The following CADM2 variants were observed in gnomAD, a reference collection of about 807,000 sequenced individuals.
CADM2 encodes the protein immunoglobulin superfamily member 4D.
CADM2 carries 12 observed loss-of-function variants against 49.8 expected under a neutral mutation model. The observed-to-expected ratio is 0.24, with a 90% CI of 0.15 to 0.39. The LOEUF (loss-of-function observed/expected upper bound fraction) is 0.39, where lower values mean the gene tolerates loss of function less well. CADM2 is among the 10% of genes least tolerant of loss of function. CADM2 has a pLI of 1.00. For missense variants in CADM2, 378 were observed against 492.3 expected, an observed-to-expected ratio of 0.77 and a Z score of 2.20; for synonymous variants, 214 against 175.4, an observed-to-expected ratio of 1.22 and a Z score of -1.74.
At chr3:86,014,659 T>C in intron 8 of CADM2, 3 of 1,567,274 alleles carry the variant, frequency 1.9e-6, no homozygotes, top group East Asian at 2.3e-5. Flanking sequence ...TTATCTCTGG[T>C]ACCCTCAGTC....
chr3:85,873,061 A>G (rs1426011670), intron 3 of CADM2, among the ~76,000 whole-genome samples: 3 of 152,292 alleles, frequency 2.0e-5, no homozygotes, highest in South Asian at 2.1e-4. Context: ...TTTGTGCTGT[A>G]TCATGGCAGA....
chr3:85,582,392 TCTG>T (rs67626410), intron 1 of CADM2, among the ~76,000 whole-genome samples: 175 of 152,336 alleles, frequency 1.1e-3, no homozygotes, highest in African/African-American at 4.0e-3. Context: ...GATTCATTGA[TCTG>T]CTTGTTAAAC....
chr3:86,038,226 CAT>C (rs1358442686), intron 8 of CADM2, among the ~76,000 whole-genome samples: 16 of 152,112 alleles, frequency 1.1e-4, no homozygotes, highest in South Asian at 2.1e-4. Flanking sequence ...AACTTCTTAA[CAT>C]GTGTTAAATC....
chr3:84,970,836 C>T (rs2031382105), intron 1 of CADM2, among the ~76,000 whole-genome samples: 1 of 151,906 alleles, frequency 6.6e-6, no homozygotes, highest in Non-Finnish European at 1.5e-5. Context: ...CTGTTTGGCC[C>T]CTGCTCATCA....
intron 2 of CADM2, among the ~76,000 whole-genome samples, chr3:85,735,220 A>G (rs2068087939): frequency 6.6e-6 from 1 of 152,152 alleles, no homozygotes; most frequent in Non-Finnish European, 1.5e-5. Flanking sequence ...TAGAAAAGAC[A>G]GTGGTTCTAA....
intron 2 of CADM2, among the ~76,000 whole-genome samples, chr3:85,785,010 G>T (rs2070893905): frequency 6.6e-6 from 1 of 151,924 alleles, no homozygotes; most frequent in Non-Finnish European, 1.5e-5. Flanking sequence ...ATTCAATCTT[G>T]GTAGGTTGTA....
chr3:85,843,292 T>C (rs190234224), intron 3 of CADM2, among the ~76,000 whole-genome samples: 1 of 152,250 alleles, frequency 6.6e-6, no homozygotes, highest in East Asian at 1.9e-4. Context: ...TGGGAATCAA[T>C]AGCAGAAACA....
chr3:85,838,306 A>C (rs950772402), intron 3 of CADM2, among the ~76,000 whole-genome samples: 36 of 151,848 alleles, frequency 2.4e-4, no homozygotes, highest in African/African-American at 6.5e-4. Context: ...CTCAAGAAAA[A>C]ATAAAAATGT....
intron 1 of CADM2, among the ~76,000 whole-genome samples, chr3:85,582,433 A>G (rs1280238210): frequency 6.6e-6 from 1 of 152,160 alleles, no homozygotes; most frequent in Non-Finnish European, 1.5e-5. Context: ...TTTATTGCAG[A>G]AGTAGTATAT....
intron 1 of CADM2, among the ~76,000 whole-genome samples, chr3:85,612,778 A>C (rs1216403963): frequency 6.6e-6 from 1 of 151,816 alleles, no homozygotes; most frequent in Non-Finnish European, 1.5e-5. Flanking sequence ...ATAGGAACAA[A>C]AATTTTTAAA....
intron 1 of CADM2, among the ~76,000 whole-genome samples, chr3:85,243,377 A>G (rs1198108312): frequency 1.3e-5 from 2 of 151,958 alleles, no homozygotes; most frequent in Non-Finnish European, 2.9e-5. Flanking sequence ...CTCATCAGGA[A>G]AGTAAGAAAA....
At chr3:85,873,749 T>G (rs1711499223) in intron 3 of CADM2, among the ~76,000 whole-genome samples, 2 of 152,306 alleles carry the variant, frequency 1.3e-5, no homozygotes, top group East Asian at 1.9e-4. Context: ...TTTTTAAAAT[T>G]TTTATTACTC....
At chr3:85,750,441 T>C (rs912496474) in intron 2 of CADM2, among the ~76,000 whole-genome samples, 7 of 152,122 alleles carry the variant, frequency 4.6e-5, no homozygotes, top group African/African-American at 1.7e-4. Flanking sequence ...AATACAAATA[T>C]TCTTCCTCTT....
At chr3:85,412,939 A>G (rs866117565) in intron 1 of CADM2, among the ~76,000 whole-genome samples, 50 of 151,706 alleles carry the variant, frequency 3.3e-4, no homozygotes, top group African/African-American at 1.1e-3. Context: ...CAGGAGATCT[A>G]GACCATCCTG....
intron 1 of CADM2, among the ~76,000 whole-genome samples, chr3:85,280,124 G>A (rs1443669011): frequency 6.6e-6 from 1 of 151,536 alleles, no homozygotes; most frequent in African/African-American, 2.4e-5. Context: ...TTTACATTAA[G>A]CTGATAACAA....
At chr3:85,308,341 A>ACACAC (rs1491120661) in intron 1 of CADM2, among the ~76,000 whole-genome samples, 1 of 146,360 alleles carries the variant, frequency 6.8e-6, no homozygotes, top group African/African-American at 2.6e-5. Context: ...ACACACACAC[A>ACACAC]ACACTCCATG....
At chr3:85,100,427 A>T (rs1417349690) in intron 1 of CADM2, among the ~76,000 whole-genome samples, 1 of 152,206 alleles carries the variant, frequency 6.6e-6, no homozygotes. Flanking sequence ...ACATTTTCCA[A>T]AACATGCCTT....
At position 85,460,068 on chromosome 3, in the gene CADM2, A is replaced by G. The variant is rs183923412; in HGVS notation, c.62-266454A>G. Among the ~76,000 whole-genome samples, 12 of 152,318 alleles carry G rather than the reference A, an allele frequency of 7.9e-5. No homozygotes were observed. The East Asian group carries it at 2.1e-3, about 27-fold the overall frequency. On this transcript the variant is annotated intron_variant, in intron 1 of 9. Transcript: ENST00000383699. Reference sequence around the variant, plus strand: ...AAAATGTTTTCATCTCTTCTACCTCAGCTATTCTCCGTCATATCTTGATAC... The same window carrying G: ...AAAATGTTTTCATCTCTTCTACCTCGGCTATTCTCCGTCATATCTTGATAC...
At chr3:85,979,298 T>C (rs1455186478) in intron 8 of CADM2, 1 of 1,608,672 alleles carries the variant, frequency 6.2e-7, no homozygotes, top group East Asian at 2.2e-5. Flanking sequence ...AGTATGTTTC[T>C]TTGTTATAGC....
Sources: allele counts gnomAD v4.1 joint callset (sites outside exome capture counted in the v4.1 genomes callset), GRCh38; gene constraint gnomAD v4.1.1; transcripts MANE v1.5; gene names NCBI Gene and HGNC (gene_info 2026-07-23, HGNC 2026-07-21).